Variants in TFAP2D observed in about 807,000 individuals in gnomAD.
TFAP2D encodes the protein transcription factor AP-2-delta.
Under a neutral mutation model 43.6 loss-of-function variants are expected in TFAP2D, and 9 were observed. That is an observed-to-expected ratio of 0.21 (90% CI 0.12 to 0.36). TFAP2D has a LOEUF of 0.36. Ranked by LOEUF, TFAP2D falls within the 10% of genes least tolerant of loss-of-function variation. The pLI is 1.00. For synonymous variants in TFAP2D, 256 were observed against 224.9 expected (o/e 1.14, Z -1.24); for missense variants, 513 against 561.4 (o/e 0.91, Z 0.87).
At chr6:50,769,086 A>C (rs567302489) in intron 7 of TFAP2D, among the ~76,000 whole-genome samples, 2 of 151,922 alleles carry the variant, frequency 1.3e-5, no homozygotes, top group East Asian at 3.9e-4. Flanking sequence ...TAGTAGAGAC[A>C]GGGTTTCACC....
At chr6:50,723,522 A>G (rs891276945) in intron 3 of TFAP2D, among the ~76,000 whole-genome samples, 1 of 152,160 alleles carries the variant, frequency 6.6e-6, no homozygotes, top group African/African-American at 2.4e-5. Flanking sequence ...ACTCATCTCT[A>G]TGGTTCATCC....
chr6:50,749,871 A>G (rs1435157193), intron 6 of TFAP2D, among the ~76,000 whole-genome samples: 1 of 151,882 alleles, frequency 6.6e-6, no homozygotes, highest in Non-Finnish European at 1.5e-5. Flanking sequence ...GATGTGAAGT[A>G]TCTTATTTCA....
chr6:50,722,898 T>A lies in TFAP2D; in HGVS notation c.598+3748T>A, dbSNP rs114428465. On this transcript the variant is annotated intron_variant, in intron 3 of 7. Coordinates refer to ENST00000008391, the MANE Select transcript of TFAP2D (RefSeq NM_172238.4). ...GTTTCGCTTTGTGATCATTCTGCCT[T>A]GCAGCCCCAGGCTAATTTCAGAAGC... 2.6e-3 allele frequency among the ~76,000 whole-genome samples: 389 copies of A among 152,312 alleles called. 5 individuals are homozygous for A. The highest frequency in any genetic ancestry group is 8.5e-3 in the African/African-American group (354 of 41,572).
intron 7 of TFAP2D, among the ~76,000 whole-genome samples, chr6:50,757,604 ATATATAATTATT>A: frequency 2.8e-5 from 2 of 70,642 alleles, no homozygotes; most frequent in African/African-American, 5.4e-5. Context: ...TATATAGAAT[ATATATAATTATT>A]CTATATATAT....
At position 50,773,000 on chromosome 6, in the gene TFAP2D, G is replaced by C; in HGVS notation, c.*136G>C. On this transcript the variant is annotated 3_prime_UTR_variant, in exon 8 of 8. Coordinates refer to ENST00000008391, the MANE Select transcript of TFAP2D (RefSeq NM_172238.4). The stretch of plus-strand genomic sequence containing the variant: ...AACCCTCCATAAAAAAACAAAAATG[G>C]AAATGAAAAATGAAACAAAAAAGGA... 3.0e-6 allele frequency: 2 copies of C among 657,684 alleles called. No individual in the cohort carries two copies. The allele number at this position is 657,684 out of a possible 1,614,324, so 40.7% of individuals were successfully genotyped here. A position where few individuals can be genotyped will look rare whatever the true frequency, so the allele number is the denominator to read the frequency against.
chr6:50,751,222 A>C lies in TFAP2D; in HGVS notation c.1037A>C (p.Lys346Thr). The change falls in exon 7 of 8, where the codon AAA becomes ACA. Residue 346 changes from lysine (K) to threonine (T), a missense_variant. Coordinates refer to ENST00000008391, the MANE Select transcript of TFAP2D (RefSeq NM_172238.4). ...TTCTTTTATTTTAGACAAATCTGTA[A>C]AGAATTCCAAGACCTCTTGAGCCAA... is the stretch of plus-strand genomic sequence containing the variant. ...KMILATKQICKEFQDLLSQDR... is the reference protein window; with the variant it reads ...KMILATKQICTEFQDLLSQDR... 1 of 1,607,990 alleles carries C rather than the reference A, an allele frequency of 6.2e-7. No individual in the cohort carries two copies.
intron 6 of TFAP2D, among the ~76,000 whole-genome samples, chr6:50,746,803 T>A (rs750108820): frequency 1.2e-4 from 19 of 152,152 alleles, no homozygotes; most frequent in Non-Finnish European, 2.2e-4. Flanking sequence ...TTAATTGAAG[T>A]TTACACACTT....
chr6:50,739,621 A>T (rs1769009759), intron 5 of TFAP2D, among the ~76,000 whole-genome samples: 1 of 152,134 alleles, frequency 6.6e-6, no homozygotes, highest in South Asian at 2.1e-4. Context: ...ATAGAGGGAT[A>T]TACTCTATTT....
At chr6:50,742,634 T>C (rs547375358) in intron 5 of TFAP2D, among the ~76,000 whole-genome samples, 1 of 147,974 alleles carries the variant, frequency 6.8e-6, no homozygotes, top group Non-Finnish European at 1.5e-5. Context: ...AGATAGATGA[T>C]AGATAGATAG....
intron 7 of TFAP2D, among the ~76,000 whole-genome samples, chr6:50,751,634 C>T (rs11759840): frequency 0.058 from 8,759 of 151,894 alleles, 334 homozygotes; most frequent in Middle Eastern, 0.092. Context: ...CAAACAAGAT[C>T]CCCTGGGCTC....
chr6:50,722,107 G>A (rs1768735623), intron 3 of TFAP2D, among the ~76,000 whole-genome samples: 1 of 152,180 alleles, frequency 6.6e-6, no homozygotes, highest in African/African-American at 2.4e-5. Flanking sequence ...GATAGCCAAA[G>A]AATGCGTGAA....
chr6:50,714,568 C>A (rs1307590151), intron 1 of TFAP2D, among the ~76,000 whole-genome samples: 1 of 152,070 alleles, frequency 6.6e-6, no homozygotes, highest in African/African-American at 2.4e-5. Context: ...GCAAGTTGAA[C>A]GATTTGCACA....
intron 5 of TFAP2D, among the ~76,000 whole-genome samples, chr6:50,738,353 GT>G (rs1238071229): frequency 6.6e-6 from 1 of 151,842 alleles, no homozygotes; most frequent in African/African-American, 2.4e-5. Context: ...TATTTGCTTT[GT>G]TTATTGAGGT....
intron 5 of TFAP2D, among the ~76,000 whole-genome samples, chr6:50,729,678 C>T (rs956178355): frequency 3.9e-5 from 6 of 152,048 alleles, no homozygotes; most frequent in African/African-American, 1.4e-4. Flanking sequence ...TAATTCAGTA[C>T]AACATGATCT....
At chr6:50,764,033 T>C (rs993116743) in intron 7 of TFAP2D, among the ~76,000 whole-genome samples, 6 of 152,160 alleles carry the variant, frequency 3.9e-5, no homozygotes, top group Non-Finnish European at 8.8e-5. Context: ...CAGAAATGTG[T>C]TAGACTAATT....
At chr6:50,719,202 T>C (rs1768676123) in intron 3 of TFAP2D, 52 bp downstream of exon 3, 3 of 1,568,166 alleles carry the variant, frequency 1.9e-6, no homozygotes, top group African/African-American at 1.4e-5. Context: ...TCCTATCTCT[T>C]ACTTTGTTTA....
Position 50,715,175 on chromosome 6 carries a change from A to G in TFAP2D, c.99A>G (p.Val33=), listed in dbSNP as rs1561929499. The G allele has an allele frequency of 6.2e-7, 1 of 1,614,022 alleles. No individual in the cohort carries two copies. Among genetic ancestry groups the G allele is most frequent in the Non-Finnish European group, 8.5e-7 (1 of 1,179,998 alleles). Residue 33 remains valine, a synonymous_variant, in exon 2 of 8, where the codon GTA becomes GTG. Transcript: ENST00000008391. ...TGCAGCTTGGCTGTCTGGAGTCAGT[A>G]GCCAATTCCACTGTCGCCTATTCCT... The part of the protein sequence containing the change: ...RLMQLGCLES[V]ANSTVAYSSS...
intron 7 of TFAP2D, among the ~76,000 whole-genome samples, chr6:50,765,642 T>C (rs1769430594): frequency 6.6e-6 from 1 of 152,226 alleles, no homozygotes; most frequent in South Asian, 2.1e-4. Flanking sequence ...ATACTTACTA[T>C]CCATTTGTAT....
chr6:50,734,733 G>A (rs1381759383), intron 5 of TFAP2D, among the ~76,000 whole-genome samples: 1 of 152,072 alleles, frequency 6.6e-6, no homozygotes, highest in Non-Finnish European at 1.5e-5. Context: ...AGTGGGATAT[G>A]CTAGAAAATG....
Sources: gnomAD v4.1 joint callset for allele counts (sites outside exome capture counted in the v4.1 genomes callset) on GRCh38, gnomAD v4.1.1 for gene constraint, MANE v1.5 for transcripts, NCBI Gene and HGNC (gene_info 2026-07-23, HGNC 2026-07-21) for gene names.